The following THAP4 variants were observed in gnomAD, a reference collection of about 807,000 sequenced individuals.
THAP4 encodes THAP domain containing 4.
Under a neutral mutation model 48.1 loss-of-function variants are expected in THAP4, and 18 were observed. The observed-to-expected ratio is 0.37, with a 90% confidence interval of 0.26 to 0.56. THAP4 has a LOEUF of 0.56. Among genes scored for constraint, THAP4 ranks in the 20% least tolerant of loss-of-function variants. The pLI is 0.78. For missense variants in THAP4, 656 were observed against 774.9 expected (o/e 0.85, Z 1.82); for synonymous variants, 345 against 324.9 (o/e 1.06, Z -0.66).
At chr2:241,620,413 C>T (rs1404499915) in intron 2 of THAP4, among the ~76,000 whole-genome samples, 1 of 56,438 alleles carries the variant, frequency 1.8e-5, no homozygotes, top group South Asian at 6.6e-4. Context: ...GAGAGTGAGT[C>T]GGTGAGTGAG....
At chr2:241,615,736 G>A (rs914985637) in intron 2 of THAP4, among the ~76,000 whole-genome samples, 23 of 152,176 alleles carry the variant, frequency 1.5e-4, no homozygotes, top group Admixed American at 1.3e-3. Context: ...CGCCCTGCCC[G>A]GTGCCTCTCA....
At chr2:241,606,023 T>C (rs2067178980) in intron 3 of THAP4, among the ~76,000 whole-genome samples, 1 of 152,250 alleles carries the variant, frequency 6.6e-6, no homozygotes, top group Non-Finnish European at 1.5e-5. Context: ...GGGTGATTAA[T>C]TTTGATACAT....
intron 2 of THAP4, among the ~76,000 whole-genome samples, chr2:241,607,973 G>C (rs988496169): frequency 6.8e-6 from 1 of 147,614 alleles, no homozygotes; most frequent in Admixed American, 6.8e-5. Context: ...ACAGACTGAT[G>C]GGGACGGGAT....
chr2:241,584,856 T>G (rs1390699953), intron 5 of THAP4, 131 bp from the exon 6 acceptor site: 1 of 1,186,292 alleles, frequency 8.4e-7, no homozygotes, highest in South Asian at 1.4e-5. Context: ...CAGAGGAGGG[T>G]AGACACACAG....
At chr2:241,602,372 C>A (rs374270540) in intron 4 of THAP4, among the ~76,000 whole-genome samples, 1 of 139,108 alleles carries the variant, frequency 7.2e-6, no homozygotes, top group Non-Finnish European at 1.6e-5. Context: ...TTTTTTTTTT[C>A]TTTTTTTTTT....
In THAP4 at chr2:241,606,321, T is replaced by C; in HGVS notation, c.1393A>G (p.Asn465Asp). 1 of 1,555,130 alleles carries C rather than the reference T, an allele frequency of 6.4e-7. No homozygotes were observed. Among genetic ancestry groups the C allele is most frequent in the Non-Finnish European group, 8.7e-7 (1 of 1,148,548 alleles). The change falls in exon 3 of 6, where the codon AAC becomes GAC. Residue 465 changes from asparagine (N) to aspartate (D), a missense_variant. Physicochemically the swap from Asn to Asp is conservative, Grantham distance 23. This residue lies in a region of THAP4 where 176 missense variants were observed against 256.7 expected (regional missense o/e 0.69). Coordinates refer to ENST00000407315, the MANE Select transcript of THAP4 (RefSeq NM_015963.6). ...HISHVGQPML[N>D]FSFNSFHPDT... ...TGGAGGGAGACAACTTACGAGAAGT[T>C]CAGCATGGGCTGGCCCACGTGGGAG...
rs1349759328 is a variant in THAP4 at position 241,633,166 on chromosome 2, C to A, written c.991G>T (p.Val331Phe). The change falls in exon 2 of 6, where the codon GTC becomes TTC. Residue 331 changes from valine to phenylalanine, a missense_variant. Transcript: ENST00000407315. This position sits in a 1 kb window ranked among gnomAD's most constrained non-coding sequence, Gnocchi z 7.5. ...SDASPMSINEVILSASGACKL... is the reference protein window; with the variant it reads ...SDASPMSINEFILSASGACKL... ...CAGGCCCCTGACGCCGACAGGATGA[C>A]CTCGTTGATGGACATGGGGCTGGCG... is the stretch of plus-strand genomic sequence containing the variant. The A allele has an allele frequency of 3.1e-6, 5 of 1,609,048 alleles. No homozygotes were observed. The highest frequency in any genetic ancestry group is 4.2e-6 in the Non-Finnish European group (5 of 1,176,966).
At chr2:241,617,908 G>T (rs2067368325) in intron 2 of THAP4, among the ~76,000 whole-genome samples, 1 of 152,208 alleles carries the variant, frequency 6.6e-6, no homozygotes, top group African/African-American at 2.4e-5. Flanking sequence ...CTCCTGGCAA[G>T]CGGCCCGGGA....
intron 2 of THAP4, among the ~76,000 whole-genome samples, chr2:241,631,520 C>T (rs904947457): frequency 6.6e-6 from 1 of 152,184 alleles, no homozygotes; most frequent in Non-Finnish European, 1.5e-5. Context: ...GGCTGGAGTA[C>T]AGTGGTGCAA....
chr2:241,591,700 C>T (rs2066980794), intron 5 of THAP4, among the ~76,000 whole-genome samples: 1 of 152,154 alleles, frequency 6.6e-6, no homozygotes, highest in Non-Finnish European at 1.5e-5. Context: ...CAGCACTTCA[C>T]ACTATACACA....
chr2:241,606,461 A>C lies in THAP4; in HGVS notation c.1253T>G (p.Met418Arg). The change falls in exon 3 of 6, where the codon ATG becomes AGG. Residue 418 changes from methionine (M) to arginine (R), a missense_variant. Physicochemically the swap from Met to Arg is moderately conservative, Grantham distance 91 (BLOSUM62 -1). This residue lies in a region of THAP4 where 176 missense variants were observed against 256.7 expected (regional missense o/e 0.69). Transcript: ENST00000407315. ...LLSPSREPPK[M>R]NPVVEPLSWM... is the part of the protein sequence containing the mutation. ...GGACAGTGGCTCCACCACTGGGTTC[A>C]TCTTGGGGGGCTCTGAGGACAAAAG... 1 of 1,605,616 alleles carries C rather than the reference A, an allele frequency of 6.2e-7. No homozygotes were observed. The highest frequency in any genetic ancestry group is 8.5e-7 in the Non-Finnish European group (1 of 1,175,934).
chr2:241,632,421 T>C (rs979843891), intron 2 of THAP4, among the ~76,000 whole-genome samples: 3 of 152,120 alleles, frequency 2.0e-5, no homozygotes, highest in African/African-American at 4.8e-5. Flanking sequence ...TTTAATTGAA[T>C]AGATGTTAAA....
At chr2:241,599,368 A>G (rs1348025369) in intron 5 of THAP4, among the ~76,000 whole-genome samples, 1 of 152,164 alleles carries the variant, frequency 6.6e-6, no homozygotes, top group African/African-American at 2.4e-5. Flanking sequence ...TGCAACAAAC[A>G]TTCACGCCTG....
chr2:241,617,537 A>ATGG (rs2067363007), intron 2 of THAP4: 12 of 1,386,974 alleles, frequency 8.7e-6, no homozygotes, highest in Non-Finnish European at 1.2e-5. Context: ...CTAACTTTAA[A>ATGG]TGGTGCATTC....
At chr2:241,587,857 G>C (rs2066911377) in intron 5 of THAP4, among the ~76,000 whole-genome samples, 1 of 151,984 alleles carries the variant, frequency 6.6e-6, no homozygotes, top group Non-Finnish European at 1.5e-5. Flanking sequence ...GGGGGTTGCA[G>C]TGAGCCAAGA....
rs530341148 is a variant in THAP4, at chr2:241,591,116, A to G, written c.1615-6391T>C. On this transcript the variant is annotated intron_variant, in intron 5 of 5. Coordinates refer to ENST00000407315, the MANE Select transcript of THAP4 (RefSeq NM_015963.6). ...TAGGACAGACAGAACTGCCAGGCTG[A>G]CGATGATGGGCACTAGGACACTCAG... 1.4e-3 allele frequency among the ~76,000 whole-genome samples: 137 copies of G among 99,934 alleles called. 1 individual carries two copies. Among genetic ancestry groups the G allele is most frequent in the African/African-American group, 5.3e-3 (131 of 24,876 alleles). 65.6% of individuals were successfully genotyped at this position (99,934 alleles called of 152,430 possible). A position where few individuals can be genotyped will look rare whatever the true frequency, so the allele number is the denominator to read the frequency against.
chr2:241,607,170 A>C (rs2067194324), intron 2 of THAP4, among the ~76,000 whole-genome samples: 2 of 152,166 alleles, frequency 1.3e-5, no homozygotes, highest in Admixed American at 1.3e-4. Flanking sequence ...TCATCCCACT[A>C]AGTGTGAAGG....
chr2:241,634,547 C>T (rs1339911625), intron 1 of THAP4, among the ~76,000 whole-genome samples: 1 of 152,230 alleles, frequency 6.6e-6, no homozygotes, highest in Non-Finnish European at 1.5e-5. Context: ...TGGAGGCAGC[C>T]CTGGCTGTGC....
intron 2 of THAP4, among the ~76,000 whole-genome samples, chr2:241,608,363 T>C (rs1338614941): frequency 6.6e-6 from 1 of 152,162 alleles, no homozygotes; most frequent in Non-Finnish European, 1.5e-5. Context: ...TGGCCTGTGG[T>C]CTTTCAGTAT....
Sources: allele counts gnomAD v4.1 joint callset (sites outside exome capture counted in the v4.1 genomes callset), GRCh38; gene constraint gnomAD v4.1.1; regional missense constraint gnomAD v4.1.1; non-coding constraint Gnocchi (gnomAD v3.1); transcripts MANE v1.5; gene names NCBI Gene and HGNC (gene_info 2026-07-23, HGNC 2026-07-21).